Variants in DSTN observed in about 807,000 individuals in gnomAD.
DSTN encodes destrin, actin depolymerizing factor.
In DSTN, 10 loss-of-function variants were observed where a neutral mutation model predicts 16.8. The ratio of observed to expected loss-of-function variants is 0.60; its 90% CI spans 0.37 to 1.01. DSTN has a LOEUF of 1.01. Ranked by LOEUF, DSTN falls within the 50% of genes least tolerant of loss-of-function variation. The pLI is 0.01. For missense variants in DSTN, 141 were observed against 196.7 expected, an observed-to-expected ratio of 0.72 and a Z score of 1.69; for synonymous variants, 57 against 58.9, an observed-to-expected ratio of 0.97 and a Z score of 0.14.
At chr20:17,603,430 T>C (rs2035608039) in intron 2 of DSTN, among the ~76,000 whole-genome samples, 1 of 152,238 alleles carries the variant, frequency 6.6e-6, no homozygotes. Context: ...ATACTGGTTT[T>C]GGTATATGTC....
intron 1 of DSTN, among the ~76,000 whole-genome samples, chr20:17,578,317 A>T (rs1489681231): frequency 6.6e-6 from 1 of 152,234 alleles, no homozygotes; most frequent in Admixed American, 6.5e-5. Flanking sequence ...GGTATTCTTA[A>T]TTATGACAAA....
At chr20:17,572,769 TC>T (rs1568728010) in intron 1 of DSTN, among the ~76,000 whole-genome samples, 1 of 152,176 alleles carries the variant, frequency 6.6e-6, no homozygotes. Flanking sequence ...CTTTTCCAAC[TC>T]CAAGTTTTAA....
chr20:17,597,713 T>A (rs1027222161), intron 1 of DSTN, among the ~76,000 whole-genome samples: 6 of 152,192 alleles, frequency 3.9e-5, no homozygotes, highest in African/African-American at 9.6e-5. Flanking sequence ...TGAGGTATAA[T>A]TCACATACCA....
chr20:17,583,255 C>T (rs1208279892), intron 1 of DSTN, among the ~76,000 whole-genome samples: 1 of 152,126 alleles, frequency 6.6e-6, no homozygotes, highest in Non-Finnish European at 1.5e-5. Context: ...TGTAAAATGG[C>T]GCAGTAATTT....
intron 1 of DSTN, among the ~76,000 whole-genome samples, chr20:17,571,606 A>G (rs1218481587): frequency 2.0e-5 from 3 of 152,182 alleles, no homozygotes; most frequent in Non-Finnish European, 4.4e-5. Flanking sequence ...GACTTAATCT[A>G]GGGGCTTTGA....
At chr20:17,604,099 C>T (rs1160676709) in intron 2 of DSTN, among the ~76,000 whole-genome samples, 1 of 152,076 alleles carries the variant, frequency 6.6e-6, no homozygotes, top group Non-Finnish European at 1.5e-5. Context: ...CACGTACTTA[C>T]GGATTATTCT....
At chr20:17,573,046 GA>G (rs2035225316) in intron 1 of DSTN, among the ~76,000 whole-genome samples, 1 of 152,130 alleles carries the variant, frequency 6.6e-6, no homozygotes, top group Admixed American at 6.5e-5. Flanking sequence ...TGCCTTATTT[GA>G]AAATATGCAA....
intron 1 of DSTN, among the ~76,000 whole-genome samples, chr20:17,591,254 ATGT>A (rs965544768): frequency 2.0e-5 from 3 of 152,084 alleles, no homozygotes; most frequent in African/African-American, 7.2e-5. Context: ...ATTCACCATG[ATGT>A]TGTTTTGTGA....
intron 3 of DSTN, among the ~76,000 whole-genome samples, chr20:17,605,417 T>C (rs1312273884): frequency 6.6e-6 from 1 of 152,254 alleles, no homozygotes; most frequent in African/African-American, 2.4e-5. Context: ...CATGGCTGTT[T>C]CCAAACAGCT....
intron 1 of DSTN, among the ~76,000 whole-genome samples, chr20:17,583,740 T>TTTTTTTC (rs1318471972): frequency 1.9e-5 from 2 of 107,198 alleles, no homozygotes; most frequent in Non-Finnish European, 1.9e-5. Context: ...AGTTTCTTTT[T>TTTTTTTC]TTTTTTTTTT....
chr20:17,607,241 G>A lies in DSTN; in HGVS notation c.*95G>A, dbSNP rs2035652414. The A allele has an allele frequency of 9.3e-7, 1 of 1,080,236 alleles. No homozygotes were observed. Among genetic ancestry groups the A allele is most frequent in the Admixed American group, 2.4e-5 (1 of 41,382 alleles). 66.9% of individuals were successfully genotyped at this position (1,080,236 alleles called of 1,614,324 possible). A position where few individuals can be genotyped will look rare whatever the true frequency, so the allele number is the denominator to read the frequency against. On this transcript the variant is annotated 3_prime_UTR_variant, in exon 4 of 4. Coordinates refer to ENST00000246069, the MANE Select transcript of DSTN (RefSeq NM_006870.4). Reference sequence around the variant, plus strand: ...TATATTTAGGCCAGGGTCTCACTGAGGGGGAGCTGTCTTGTCATCTTTTAG... The same window carrying A: ...TATATTTAGGCCAGGGTCTCACTGAAGGGGAGCTGTCTTGTCATCTTTTAG...
At chr20:17,575,959 C>T (rs1472889153) in intron 1 of DSTN, among the ~76,000 whole-genome samples, 1 of 152,212 alleles carries the variant, frequency 6.6e-6, no homozygotes, top group Non-Finnish European at 1.5e-5. Flanking sequence ...CTGTTCATGC[C>T]TCCTTTCATT....
Position 17,583,735 on chromosome 20 carries a change from C to CTTTTTTTTTTTTTT in DSTN, c.3+13534_3+13547dup, listed in dbSNP as rs71192397. Among the ~76,000 whole-genome samples the CTTTTTTTTTTTTTT allele has an allele frequency of 7.3e-4, 53 of 72,492 alleles. 13 individuals carry two copies. Among genetic ancestry groups the CTTTTTTTTTTTTTT allele is most frequent in the Admixed American group, 4.7e-3 (18 of 3,808 alleles). 47.6% of individuals were successfully genotyped at this position (72,492 alleles called of 152,430 possible). A position where few individuals can be genotyped will look rare whatever the true frequency, so the allele number is the denominator to read the frequency against. On this transcript the variant is annotated intron_variant, in intron 1 of 3. Transcript: ENST00000246069. Reference sequence around the variant, plus strand: ...ATGACTGCTAATGGGTTTGGAGTTTCTTTTTTTTTTTTTTTTTTTTTTTGA... The same window carrying CTTTTTTTTTTTTTT: ...ATGACTGCTAATGGGTTTGGAGTTTCTTTTTTTTTTTTTTTTTTTTTTTTTTTTTTTTTTTTTGA...
rs144478720 is a variant in DSTN, at chr20:17,597,889, C to T, written c.4-2849C>T. On this transcript the variant is annotated intron_variant, in intron 1 of 3. Transcript: ENST00000246069. The stretch of plus-strand genomic sequence containing the variant: ...CAACCTCTGGAAACCACTAATCTAC[C>T]TACTGTCTGTTGATTTTACCCAATT... Among the ~76,000 whole-genome samples the T allele has an allele frequency of 3.1e-4, 47 of 152,272 alleles. 1 individual carries two copies. The East Asian group carries it at 8.1e-3, about 26-fold the overall frequency.
intron 1 of DSTN, among the ~76,000 whole-genome samples, chr20:17,598,856 C>T (rs1380644356): frequency 6.6e-6 from 1 of 152,140 alleles, no homozygotes; most frequent in Non-Finnish European, 1.5e-5. Context: ...CCCTCTCCCT[C>T]TAAAGTGCTG....
chr20:17,594,427 T>C (rs1233945914), intron 1 of DSTN, among the ~76,000 whole-genome samples: 1 of 152,196 alleles, frequency 6.6e-6, no homozygotes, highest in African/African-American at 2.4e-5. Context: ...ATTTAACTTT[T>C]ATTTAATTTT....
chr20:17,589,046 T>A (rs1568735005), intron 1 of DSTN, among the ~76,000 whole-genome samples: 1 of 152,112 alleles, frequency 6.6e-6, no homozygotes, highest in South Asian at 2.1e-4. Context: ...AGTCTAGGGA[T>A]CTTTGCTTCT....
intron 1 of DSTN, among the ~76,000 whole-genome samples, chr20:17,583,731 G>GTTGTTTTTTT: frequency 3.6e-5 from 1 of 28,026 alleles, no homozygotes; most frequent in Non-Finnish European, 8.6e-5. Context: ...TGGGTTTGGA[G>GTTGTTTTTTT]TTTCTTTTTT....
chr20:17,590,178 T>G (rs375294658), intron 1 of DSTN, among the ~76,000 whole-genome samples: 11 of 152,240 alleles, frequency 7.2e-5, no homozygotes, highest in African/African-American at 2.2e-4. Flanking sequence ...ATGCTAGAAT[T>G]GAGAGAATTG....
Sources: gnomAD v4.1 joint callset for allele counts (sites outside exome capture counted in the v4.1 genomes callset) on GRCh38, gnomAD v4.1.1 for gene constraint, MANE v1.5 for transcripts, NCBI Gene and HGNC (gene_info 2026-07-23, HGNC 2026-07-21) for gene names.